RANBP10: variants seen among roughly 807,000 people sequenced by gnomAD.
The protein encoded by RANBP10 is RAN binding protein 10, also known as ran-binding protein 10.
A neutral mutation model predicts 72.8 loss-of-function variants in RANBP10; 24 were observed. The observed-to-expected ratio is 0.33, with a 90% CI of 0.24 to 0.46. The LOEUF is 0.46. RANBP10 is among the 20% of genes least tolerant of loss of function. The pLI, the probability that RANBP10 is intolerant of heterozygous loss-of-function variation, is 1.00. For synonymous variants in RANBP10, 310 were observed against 322.3 expected (o/e 0.96, Z 0.41); for missense variants, 679 against 817.5 (o/e 0.83, Z 2.07).
At chr16:67,740,748 T>C (rs1165891719) in intron 4 of RANBP10, among the ~76,000 whole-genome samples, 1 of 152,154 alleles carries the variant, frequency 6.6e-6, no homozygotes, top group Non-Finnish European at 1.5e-5. Context: ...AGAGAGATGG[T>C]TTATATTCTT....
intron 2 of RANBP10, among the ~76,000 whole-genome samples, chr16:67,788,666 A>T (rs899158596): frequency 2.6e-5 from 4 of 151,792 alleles, no homozygotes; most frequent in Admixed American, 2.0e-4. Context: ...CTGGGATTAC[A>T]GGCATGAGCC....
chr16:67,747,725 G>A (rs903076983), intron 3 of RANBP10, among the ~76,000 whole-genome samples: 6 of 151,688 alleles, frequency 4.0e-5, no homozygotes, highest in East Asian at 1.9e-4. Context: ...GGCTGGTCTC[G>A]AACTCCTGAC....
chr16:67,788,261 T>C (rs1051959582), intron 2 of RANBP10, among the ~76,000 whole-genome samples: 1 of 150,688 alleles, frequency 6.6e-6, no homozygotes, highest in African/African-American at 2.4e-5. Context: ...TACAAATTTT[T>C]TTTTCTTTTG....
chr16:67,733,134 G>A (rs1324558922), intron 6 of RANBP10, among the ~76,000 whole-genome samples: 1 of 151,938 alleles, frequency 6.6e-6, no homozygotes, highest in Non-Finnish European at 1.5e-5. Context: ...GGAGGCCGAG[G>A]CAGGAAAATC....
Position 67,730,136 on chromosome 16 carries a change from T to A in RANBP10, c.890-90A>T. The A allele has an allele frequency of 8.0e-7, 1 of 1,257,550 alleles. No individual in the cohort carries two copies. The highest frequency in any genetic ancestry group is 1.1e-6 in the Non-Finnish European group (1 of 883,658). 77.9% of individuals were successfully genotyped at this position (1,257,550 alleles called of 1,614,324 possible). ...GGATGCTGCCAGCCTCAGGGTAGGG[T>A]CCGGCTCAGAGTGCCTCGCCAGCTT... On this transcript the variant is annotated intron_variant, in intron 7 of 13. Coordinates refer to ENST00000317506, the MANE Select transcript of RANBP10 (RefSeq NM_020850.3). This position sits in a 1 kb window ranked among gnomAD's most constrained non-coding sequence, Gnocchi z 4.3.
chr16:67,760,974 G>A lies in RANBP10; in HGVS notation c.400+11060C>T, dbSNP rs555845679. 1.8e-4 allele frequency among the ~76,000 whole-genome samples: 27 copies of A among 152,254 alleles called. No individual in the cohort carries two copies. In the South Asian group the frequency reaches 4.8e-3, roughly 27 times the overall value. On this transcript the variant is annotated intron_variant, in intron 3 of 13. Coordinates refer to ENST00000317506, the MANE Select transcript of RANBP10 (RefSeq NM_020850.3). ...TCTCTCCATCAACAACCCTGACTTC[G>A]TCTTCTTGCTTCCCCAGTCCAGTAC...
chr16:67,763,935 G>A (rs542781107), intron 3 of RANBP10, among the ~76,000 whole-genome samples: 1 of 152,278 alleles, frequency 6.6e-6, no homozygotes, highest in East Asian at 1.9e-4. Context: ...GACCTCAAAT[G>A]ATTCTCCTGC....
chr16:67,747,438 T>C (rs1284006205), intron 3 of RANBP10, among the ~76,000 whole-genome samples: 1 of 152,224 alleles, frequency 6.6e-6, no homozygotes, highest in Non-Finnish European at 1.5e-5. Flanking sequence ...GTAGTTTAGA[T>C]ACAAGTCCTT....
chr16:67,737,405 T>G (rs2053874584), intron 5 of RANBP10, among the ~76,000 whole-genome samples: 1 of 151,944 alleles, frequency 6.6e-6, no homozygotes, highest in Non-Finnish European at 1.5e-5. Context: ...GGTTTCACCC[T>G]GTTAGCCAGG....
At chr16:67,735,819 G>A (rs1334636106) in intron 5 of RANBP10, 1 of 152,106 alleles carries the variant, frequency 6.6e-6, no homozygotes, top group Admixed American at 6.6e-5. Context: ...GGCAGAGATG[G>A]GATGACGCAG....
At chr16:67,747,747 C>T (rs2054111508) in intron 3 of RANBP10, among the ~76,000 whole-genome samples, 1 of 152,024 alleles carries the variant, frequency 6.6e-6, no homozygotes, top group Admixed American at 6.6e-5. Flanking sequence ...TCAAATGATC[C>T]ACCCGCCTCG....
chr16:67,771,236 CAG>C (rs1484536458), intron 3 of RANBP10, among the ~76,000 whole-genome samples: 3 of 151,960 alleles, frequency 2.0e-5, no homozygotes, highest in South Asian at 4.2e-4. Context: ...GCCTGGGTTA[CAG>C]AGTGAGACCC....
chr16:67,804,878 G>A (rs572296052), intron 2 of RANBP10, among the ~76,000 whole-genome samples: 9 of 152,240 alleles, frequency 5.9e-5, no homozygotes, highest in African/African-American at 2.2e-4. Flanking sequence ...CCAACTAGTA[G>A]TGTTCAAGTC....
intron 3 of RANBP10, among the ~76,000 whole-genome samples, chr16:67,745,219 G>A (rs1392660489): frequency 3.9e-5 from 6 of 152,136 alleles, no homozygotes; most frequent in South Asian, 2.1e-4. Flanking sequence ...CTCATGATCC[G>A]CCTGCCTTGG....
rs138083881 is a variant in RANBP10, at chr16:67,750,288, T to G, written c.401-5833A>C. On this transcript the variant is annotated intron_variant, in intron 3 of 13. Transcript: ENST00000317506. ...CTGCTTGCTGCTCCTCCAGGTCCTC[T>G]TAGAACTATGCCCAAGAACTAGTGG... Among the ~76,000 whole-genome samples the G allele has an allele frequency of 9.8e-5, 15 of 152,366 alleles. No homozygotes were observed. The South Asian group carries it at 1.0e-3, about 11-fold the overall frequency.
At chr16:67,806,277 T>TC in intron 1 of RANBP10, 25 bp downstream of exon 1, 3 of 1,584,324 alleles carry the variant, frequency 1.9e-6, no homozygotes, top group Non-Finnish European at 2.6e-6. Flanking sequence ...TAGCCTTAAT[T>TC]CCCCCCAGCC....
At chr16:67,782,497 G>C (rs754923548) in intron 2 of RANBP10, among the ~76,000 whole-genome samples, 1 of 150,082 alleles carries the variant, frequency 6.7e-6, no homozygotes, top group Non-Finnish European at 1.5e-5. Context: ...TGTCACCCAG[G>C]CTGGAGTGCA....
chr16:67,767,721 C>T (rs534335705), intron 3 of RANBP10, among the ~76,000 whole-genome samples: 110 of 151,970 alleles, frequency 7.2e-4, no homozygotes, highest in Non-Finnish European at 1.2e-3. Flanking sequence ...CTCAGCCTCT[C>T]GAGTAGCTGG....
chr16:67,723,652 G>A lies in RANBP10; in HGVS notation c.*2776C>T, dbSNP rs1219642396. 1.3e-5 allele frequency: 2 copies of A among 152,622 alleles called. No homozygotes were observed. Among genetic ancestry groups the A allele is most frequent in the Non-Finnish European group, 1.5e-5 (1 of 68,168 alleles). 9.5% of individuals were successfully genotyped at this position (152,622 alleles called of 1,614,324 possible). ...TTGCTCTGGAAGGAGTGACCATTTGGTGCCGCAAGGGGAAAGTGAGTAGGG... is the reference window on the plus strand; with the variant it reads ...TTGCTCTGGAAGGAGTGACCATTTGATGCCGCAAGGGGAAAGTGAGTAGGG... On this transcript the variant is annotated 3_prime_UTR_variant, in exon 14 of 14. Transcript: ENST00000317506.
Sources: allele counts gnomAD v4.1 joint callset (sites outside exome capture counted in the v4.1 genomes callset), GRCh38; gene constraint gnomAD v4.1.1; non-coding constraint Gnocchi (gnomAD v3.1); transcripts MANE v1.5; gene names NCBI Gene and HGNC (gene_info 2026-07-23, HGNC 2026-07-21).